The following RPTOR variants were observed in gnomAD, a reference collection of about 807,000 sequenced individuals.
RPTOR encodes regulatory associated protein of MTOR complex 1.
Under a neutral mutation model 169.9 loss-of-function variants are expected in RPTOR, and 21 were observed. The ratio of observed to expected loss-of-function variants is 0.12; its 90% CI spans 0.09 to 0.18. The LOEUF (loss-of-function observed/expected upper bound fraction) is 0.18, where lower values mean the gene tolerates loss of function less well. RPTOR is among the 10% of genes least tolerant of loss of function. The pLI, the probability that RPTOR is intolerant of heterozygous loss-of-function variation, is 1.00. For missense variants in RPTOR, 1,133 were observed against 1,855.9 expected (o/e 0.61, Z 7.16); for synonymous variants, 732 against 753.2 (o/e 0.97, Z 0.46).
chr17:80,873,103 A>C (rs1177924418), intron 13 of RPTOR, among the ~76,000 whole-genome samples: 1 of 130,888 alleles, frequency 7.6e-6, no homozygotes, highest in African/African-American at 3.6e-5. Context: ...TTGGATGAGA[A>C]AGGCACCACA....
At chr17:80,774,989 C>T (rs554023362) in intron 6 of RPTOR, among the ~76,000 whole-genome samples, 25 of 152,338 alleles carry the variant, frequency 1.6e-4, no homozygotes, top group Admixed American at 7.8e-4. Flanking sequence ...GCACCTTCCT[C>T]CCTCGGGCTC....
intron 5 of RPTOR, among the ~76,000 whole-genome samples, chr17:80,733,755 GA>G: frequency 6.6e-6 from 1 of 152,348 alleles, no homozygotes; most frequent in Middle Eastern, 3.4e-3. Context: ...ATTCTAAAGA[GA>G]AAATTCTAGA....
At chr17:80,571,159 G>A (rs1357311135) in intron 1 of RPTOR, among the ~76,000 whole-genome samples, 4 of 152,144 alleles carry the variant, frequency 2.6e-5, no homozygotes, top group Non-Finnish European at 5.9e-5. Flanking sequence ...GCCAGAGTGC[G>A]GGATTTGGCT....
At chr17:80,825,355 G>A (rs905204780) in intron 9 of RPTOR, among the ~76,000 whole-genome samples, 7 of 152,184 alleles carry the variant, frequency 4.6e-5, no homozygotes, top group Non-Finnish European at 1.0e-4. Flanking sequence ...TAGAGGCCGC[G>A]TGGCGAGGTT....
At chr17:80,595,854 A>G (rs1568325330) in intron 1 of RPTOR, among the ~76,000 whole-genome samples, 1 of 151,944 alleles carries the variant, frequency 6.6e-6, no homozygotes, top group Non-Finnish European at 1.5e-5. Flanking sequence ...GGCTATTTTG[A>G]TTCTTCTTAT....
At chr17:80,593,814 A>T (rs1043333834) in intron 1 of RPTOR, 4 of 152,214 alleles carry the variant, frequency 2.6e-5, no homozygotes, top group African/African-American at 9.6e-5. Flanking sequence ...TTAACCTGTA[A>T]CAGGCTTTTT....
intron 23 of RPTOR, among the ~76,000 whole-genome samples, chr17:80,924,529 C>T (rs1361727166): frequency 6.6e-6 from 1 of 152,144 alleles, no homozygotes; most frequent in Non-Finnish European, 1.5e-5. Context: ...CTGCTCAGCC[C>T]CAGCCCACCT....
chr17:80,962,868 G>T (rs902296768), intron 32 of RPTOR, 60 bp from the exon 33 acceptor site: 29 of 1,606,724 alleles, frequency 1.8e-5, no homozygotes, highest in Non-Finnish European at 2.5e-5. Flanking sequence ...CGGCATCTGC[G>T]CCCATCTTCC....
intron 5 of RPTOR, among the ~76,000 whole-genome samples, chr17:80,752,765 T>C (rs1465284742): frequency 6.6e-6 from 1 of 152,238 alleles, no homozygotes; most frequent in Non-Finnish European, 1.5e-5. Flanking sequence ...TGGCAGGGTA[T>C]AGCAAACTCG....
intron 1 of RPTOR, among the ~76,000 whole-genome samples, chr17:80,611,518 C>T (rs887037352): frequency 2.6e-5 from 4 of 152,054 alleles, no homozygotes; most frequent in Non-Finnish European, 5.9e-5. Context: ...TTGCCCAACT[C>T]GGCTTCCCAA....
chr17:80,960,044 C>G lies in RPTOR; in HGVS notation c.3478-34C>G, dbSNP rs372998291. ...CAGCAGGGAGGGTGGCTCGGTGCCC[C>G]GGTCTTCACCGGGCTGCCTGTGTTT... On this transcript the variant is annotated intron_variant, in intron 29 of 33. Coordinates refer to ENST00000306801, the MANE Select transcript of RPTOR (RefSeq NM_020761.3). This position sits in a 1 kb window ranked among gnomAD's most constrained non-coding sequence, Gnocchi z 4.8. 5 of 1,605,620 alleles carry G rather than the reference C, an allele frequency of 3.1e-6. No individual in the cohort carries two copies. Among genetic ancestry groups the G allele is most frequent in the Non-Finnish European group, 3.4e-6 (4 of 1,177,094 alleles).
chr17:80,560,935 CTG>C (rs1275491689), intron 1 of RPTOR, among the ~76,000 whole-genome samples: 1 of 150,496 alleles, frequency 6.6e-6, no homozygotes, highest in East Asian at 1.9e-4. Flanking sequence ...AAGAGAAGAA[CTG>C]AGAGATCTGT....
At chr17:80,897,001 C>T (rs1037759098) in intron 20 of RPTOR, among the ~76,000 whole-genome samples, 3 of 152,238 alleles carry the variant, frequency 2.0e-5, no homozygotes, top group Non-Finnish European at 4.4e-5. Context: ...TCCCTCACGC[C>T]TGTAATCCCA....
intron 3 of RPTOR, among the ~76,000 whole-genome samples, chr17:80,660,410 T>G (rs1431652492): frequency 1.3e-5 from 2 of 152,190 alleles, no homozygotes; most frequent in African/African-American, 4.8e-5. Context: ...GGCAGTTTTT[T>G]CCTTAGTGAC....
intron 7 of RPTOR, among the ~76,000 whole-genome samples, chr17:80,793,507 T>G (rs1232161684): frequency 6.6e-6 from 1 of 152,204 alleles, no homozygotes; most frequent in African/African-American, 2.4e-5. Flanking sequence ...AGGGCCGCAG[T>G]ATCCTTTCTC....
rs200090551 is a variant in RPTOR, at chr17:80,925,397, G to A, written c.2836G>A (p.Gly946Arg). The A allele has an allele frequency of 5.6e-6, 9 of 1,613,726 alleles. No homozygotes were observed. The Admixed American group carries it at 8.3e-5, about 15-fold the overall frequency. The change falls in exon 24 of 34, where the codon GGA (glycine) becomes AGA (arginine). Residue 946 changes from glycine (G) to arginine (R), a missense_variant. Physicochemically the swap from Gly to Arg is moderately radical, Grantham distance 125. Transcript: ENST00000306801. ...TGCGGACGACGCGGACGATGCTGCT[G>A]GACACAAAAGTTTCATCTCCGCCAC... ...QTADDADDAA[G>R]HKSFISATVQ...
At chr17:80,912,796 A>C (rs553778991) in intron 21 of RPTOR, among the ~76,000 whole-genome samples, 2 of 152,294 alleles carry the variant, frequency 1.3e-5, no homozygotes, top group South Asian at 4.2e-4. Context: ...TTGTCGTGCT[A>C]TCCGATTGAG....
At chr17:80,603,898 A>G (rs2065209670) in intron 1 of RPTOR, among the ~76,000 whole-genome samples, 1 of 152,204 alleles carries the variant, frequency 6.6e-6, no homozygotes, top group Non-Finnish European at 1.5e-5. Context: ...CATAAACCAT[A>G]TTGTTGGAAA....
At chr17:80,718,556 C>T (rs369838776) in intron 4 of RPTOR, among the ~76,000 whole-genome samples, 25 of 152,302 alleles carry the variant, frequency 1.6e-4, no homozygotes, top group East Asian at 7.7e-4. Flanking sequence ...CCATGGTGGG[C>T]AGGCAAGGTT....
Sources: allele counts gnomAD v4.1 joint callset (sites outside exome capture counted in the v4.1 genomes callset), GRCh38; gene constraint gnomAD v4.1.1; non-coding constraint Gnocchi (gnomAD v3.1); transcripts MANE v1.5; gene names NCBI Gene and HGNC (gene_info 2026-07-23, HGNC 2026-07-21).